Variants in INMT observed in about 807,000 individuals in gnomAD.
INMT encodes the protein indolethylamine N-methyltransferase.
INMT carries 11 observed loss-of-function variants against 11.5 expected under a neutral mutation model. The observed-to-expected ratio is 0.95, with a 90% CI of 0.60 to 1.58. INMT has a LOEUF of 1.58. INMT is among the 40% of genes most tolerant of loss of function. The pLI, the probability that INMT is intolerant of heterozygous loss-of-function variation, is 0.00. For synonymous variants in INMT, 155 were observed against 142.9 expected (o/e 1.08, Z -0.60); for missense variants, 316 against 336.1 (o/e 0.94, Z 0.47).
rs960345213 is a variant in INMT at position 30,754,767 on chromosome 7, T to C, written c.363-655T>C. Among the ~76,000 whole-genome samples, 19 of 152,328 alleles carry C rather than the reference T, an allele frequency of 1.2e-4. No homozygotes were observed. Among genetic ancestry groups the C allele is most frequent in the South Asian group, 1.0e-3 (5 of 4,824 alleles). ...TGTACCTGTGTGACTGACTATATAA[T>C]GTATAATGACGTGAACTCACCACCC... On this transcript the variant is annotated intron_variant, in intron 2 of 2. Transcript: ENST00000013222. The surrounding 1 kb of genome is among the most constrained non-coding windows in gnomAD (Gnocchi z 4.9).
At chr7:30,753,585 GC>G in intron 1 of INMT, 145 bp from the exon 2 acceptor site, 2 of 720,692 alleles carry the variant, frequency 2.8e-6, no homozygotes, top group Non-Finnish European at 2.4e-6. Flanking sequence ...TTGGCATGAG[GC>G]TTGGCTTACA....
At position 30,752,319 on chromosome 7, in the gene INMT, G is replaced by C. The variant is rs761348019; in HGVS notation, c.154+15G>C. 34 of 1,606,628 alleles carry C rather than the reference G, an allele frequency of 2.1e-5. No homozygotes were observed. Among genetic ancestry groups the C allele is most frequent in the Non-Finnish European group, 2.7e-5 (32 of 1,173,860 alleles). On this transcript the variant is annotated intron_variant, in intron 1 of 2. Coordinates refer to ENST00000013222, the MANE Select transcript of INMT (RefSeq NM_006774.5). The stretch of plus-strand genomic sequence containing the variant: ...CTTCGGCCCTGGTGAGCAGAGGGTG[G>C]CCCTTCCCCTTGAGCCTCTCTCCAA...
Position 30,754,438 on chromosome 7 carries a change from T to C in INMT, c.362+500T>C, listed in dbSNP as rs1031215432. Among the ~76,000 whole-genome samples, 1 of 151,068 alleles carries C rather than the reference T, an allele frequency of 6.6e-6. No homozygotes were observed. The highest frequency in any genetic ancestry group is 2.4e-5 in the African/African-American group (1 of 41,028). On this transcript the variant is annotated intron_variant, in intron 2 of 2. Coordinates refer to ENST00000013222, the MANE Select transcript of INMT (RefSeq NM_006774.5). This position sits in a 1 kb window ranked among gnomAD's most constrained non-coding sequence, Gnocchi z 4.9. ...ATCTATCCATCCGTCCATTCATCCATCCATCAATATTCATCCATCCACCCA... is the reference window on the plus strand; with the variant it reads ...ATCTATCCATCCGTCCATTCATCCACCCATCAATATTCATCCATCCACCCA...
In INMT at chr7:30,755,715, A is replaced by G. The variant is rs2302340; in HGVS notation, c.656A>G (p.Glu219Gly). The G allele has an allele frequency of 0.41, 660,063 of 1,614,008 alleles. 141,817 individuals carry two copies. The highest frequency in any genetic ancestry group is 0.58 in the East Asian group (26,110 of 44,864). Residue 219 changes from glutamate (E) to glycine (G), a missense_variant, in exon 3 of 3, where the codon GAG becomes GGG. By Grantham distance (98) the Glu-to-Gly change is moderately conservative. Transcript: ENST00000013222. The stretch of plus-strand genomic sequence containing the variant: ...TTTTCCTGCGTGGCCCTGGAGAAAG[A>G]GGAGGTGGAGCAGGCTGTCCTGGAT... ...REFSCVALEK[E>G]EVEQAVLDAG...
In INMT at chr7:30,757,481, A is replaced by C. The variant is rs367651451; in HGVS notation, c.*1630A>C. 2.6e-4 allele frequency: 48 copies of C among 182,210 alleles called. No homozygotes were observed. In the East Asian group the frequency reaches 3.5e-3, roughly 13 times the overall value. 11.3% of individuals were successfully genotyped at this position (182,210 alleles called of 1,614,324 possible). ...GCTGACCCTGAAGGCAAGGGAGAGC[A>C]GGCTGCACAGCTGTGTGTGGAAGCC... is the stretch of plus-strand genomic sequence containing the variant. On this transcript the variant is annotated 3_prime_UTR_variant, in exon 3 of 3. Coordinates refer to ENST00000013222, the MANE Select transcript of INMT (RefSeq NM_006774.5).
rs757443443 is a variant in INMT at position 30,755,902 on chromosome 7, T to C, written c.*51T>C. ...GTCAGGCTGTGAGGCCTTGGCCATC[T>C]GTATGCTAGAGAGGGGTGAGGAATG... is the stretch of plus-strand genomic sequence containing the variant. On this transcript the variant is annotated 3_prime_UTR_variant, in exon 3 of 3. Coordinates refer to ENST00000013222, the MANE Select transcript of INMT (RefSeq NM_006774.5). The C allele has an allele frequency of 6.4e-7, 1 of 1,558,810 alleles. No homozygotes were observed. Among genetic ancestry groups the C allele is most frequent in the South Asian group, 1.2e-5 (1 of 84,258 alleles).
In INMT at chr7:30,756,020, C is replaced by T; in HGVS notation, c.*169C>T. ...TCCTTGTTTTAGAATTCTAAGTTTC[C>T]AACATTCCTCATTCTAGGATCCTAG... On this transcript the variant is annotated 3_prime_UTR_variant, in exon 3 of 3. Transcript: ENST00000013222. 2 of 1,417,798 alleles carry T rather than the reference C, an allele frequency of 1.4e-6. No individual in the cohort carries two copies. The highest frequency in any genetic ancestry group is 1.8e-6 in the Non-Finnish European group (2 of 1,090,438). 87.8% of individuals were successfully genotyped at this position (1,417,798 alleles called of 1,614,324 possible). A position where few individuals can be genotyped will look rare whatever the true frequency, so the allele number is the denominator to read the frequency against.
In INMT at chr7:30,755,429, T is replaced by C. The variant is rs776872677; in HGVS notation, c.370T>C (p.Trp124Arg). Reference protein sequence around the residue: ...ACELEGNSGRWEEKEEKLRAA... With the variant: ...ACELEGNSGRREEKEEKLRAA... ...CCCTCTCTCTCTCTGCAGCGGCCGA[T>C]GGGAGGAGAAGGAGGAGAAGCTGCG... The change falls in exon 3 of 3, where the codon TGG becomes CGG. Residue 124 changes from tryptophan to arginine, a missense_variant. By Grantham distance (101) the Trp-to-Arg change is moderately radical. Transcript: ENST00000013222. 24 of 1,594,020 alleles carry C rather than the reference T, an allele frequency of 1.5e-5. 1 individual carries two copies. Among genetic ancestry groups the C allele is most frequent in the East Asian group, 2.2e-5 (1 of 44,712 alleles).
At position 30,755,802 on chromosome 7, in the gene INMT, C is replaced by A. The variant is rs1038528116; in HGVS notation, c.743C>A (p.Ala248Asp). 27 of 1,613,896 alleles carry A rather than the reference C, an allele frequency of 1.7e-5. No individual in the cohort carries two copies. Among genetic ancestry groups the A allele is most frequent in the Non-Finnish European group, 2.1e-5 (25 of 1,179,938 alleles). The stretch of plus-strand genomic sequence containing the variant: ...CAGAGCTACTCTGTCACCAATGCTG[C>A]CAACAATGGGGTCTGCTTCATTGTG... ...SPQSYSVTNA[A>D]NNGVCFIVAR... Residue 248 changes from alanine to aspartate, a missense_variant, in exon 3 of 3, where the codon GCC (alanine) becomes GAC (aspartate). Physicochemically the swap from Ala to Asp is moderately radical, Grantham distance 126. Transcript: ENST00000013222.
In INMT at chr7:30,755,669, T is replaced by C; in HGVS notation, c.610T>C (p.Tyr204His). Residue 204 changes from tyrosine (Y) to histidine (H), a missense_variant, in exon 3 of 3, where the codon TAC becomes CAC. Transcript: ENST00000013222. ...CACTGTCACGCTTCGGCTCCCGTCC[T>C]ACATGGTGGGGAAGCGTGAATTTTC... ...VTTVTLRLPS[Y>H]MVGKREFSCV... 1 of 1,614,222 alleles carries C rather than the reference T, an allele frequency of 6.2e-7. No homozygotes were observed. Among genetic ancestry groups the C allele is most frequent in the Non-Finnish European group, 8.5e-7 (1 of 1,180,034 alleles).
chr7:30,753,668 C>T, intron 1 of INMT, 63 bp from the exon 2 acceptor site: 2 of 1,464,196 alleles, frequency 1.4e-6, no homozygotes, highest in African/African-American at 1.4e-5. Flanking sequence ...GTGTCCTCAT[C>T]CCTGTGTCTG....
In INMT at chr7:30,752,705, G is replaced by A. The variant is rs118078023; in HGVS notation, c.154+401G>A. ...TGGGACGGGATCGCCTGTGCCCGGA[G>A]TGTGCAGCCTAGATGTGTCTGTGAT... On this transcript the variant is annotated intron_variant, in intron 1 of 2. Coordinates refer to ENST00000013222, the MANE Select transcript of INMT (RefSeq NM_006774.5). Among the ~76,000 whole-genome samples the A allele has an allele frequency of 1.4e-3, 213 of 152,294 alleles. 1 individual carries two copies. Among genetic ancestry groups the A allele is most frequent in the Non-Finnish European group, 1.7e-3 (116 of 68,020 alleles).
Position 30,755,690 on chromosome 7 carries a change from T to C in INMT, c.631T>C (p.Phe211Leu). Residue 211 changes from phenylalanine to leucine, a missense_variant, in exon 3 of 3, where the codon TTT (phenylalanine) becomes CTT (leucine). Physicochemically the swap from Phe to Leu is conservative, Grantham distance 22. Transcript: ENST00000013222. The stretch of plus-strand genomic sequence containing the variant: ...GTCCTACATGGTGGGGAAGCGTGAA[T>C]TTTCCTGCGTGGCCCTGGAGAAAGA... Reference protein sequence around the residue: ...LPSYMVGKREFSCVALEKEEV... With the variant: ...LPSYMVGKRELSCVALEKEEV... The C allele has an allele frequency of 6.2e-7, 1 of 1,614,156 alleles. No individual in the cohort carries two copies. The highest frequency in any genetic ancestry group is 8.5e-7 in the Non-Finnish European group (1 of 1,179,994).
In INMT at chr7:30,754,418, T is replaced by A. The variant is rs560586412; in HGVS notation, c.362+480T>A. ...AGCCGTTCACCTATCCATCCATCTA[T>A]CCATCCGTCCATTCATCCATCCATC... is the stretch of plus-strand genomic sequence containing the variant. On this transcript the variant is annotated intron_variant, in intron 2 of 2. Transcript: ENST00000013222. This position sits in a 1 kb window ranked among gnomAD's most constrained non-coding sequence, Gnocchi z 4.9. Among the ~76,000 whole-genome samples, 13 of 150,536 alleles carry A rather than the reference T, an allele frequency of 8.6e-5. No homozygotes were observed. In the East Asian group the frequency reaches 2.0e-3, roughly 23 times the overall value.
In INMT at chr7:30,752,229, T is replaced by C; in HGVS notation, c.79T>C (p.Phe27Leu). The C allele has an allele frequency of 6.2e-7, 1 of 1,614,062 alleles. No individual in the cohort carries two copies. Among genetic ancestry groups the C allele is most frequent in the Non-Finnish European group, 8.5e-7 (1 of 1,179,974 alleles). Reference protein sequence around the residue: ...PRDYLATYYSFDGSPSPEAEM... With the variant: ...PRDYLATYYSLDGSPSPEAEM... ...GGACTACTTGGCTACTTACTACAGC[T>C]TCGATGGCAGCCCCTCACCCGAGGC... The change falls in exon 1 of 3, where the codon TTC becomes CTC. Residue 27 changes from phenylalanine to leucine, a missense_variant. By Grantham distance (22) the Phe-to-Leu change is conservative. Coordinates refer to ENST00000013222, the MANE Select transcript of INMT (RefSeq NM_006774.5).
rs1786234272 is a variant in INMT at position 30,756,033 on chromosome 7, TCTAGGATC to T, written c.*189_*196del. On this transcript the variant is annotated 3_prime_UTR_variant, in exon 3 of 3. Coordinates refer to ENST00000013222, the MANE Select transcript of INMT (RefSeq NM_006774.5). ...ATTCTAAGTTTCCAACATTCCTCAT[TCTAGGATC>T]CTAGGAGTGGAATTTTCCATTTTCT... 6 of 1,413,844 alleles carry T rather than the reference TCTAGGATC, an allele frequency of 4.2e-6. No individual in the cohort carries two copies. Among genetic ancestry groups the T allele is most frequent in the Non-Finnish European group, 5.5e-6 (6 of 1,088,324 alleles). 87.6% of individuals were successfully genotyped at this position (1,413,844 alleles called of 1,614,324 possible). A position where few individuals can be genotyped will look rare whatever the true frequency, so the allele number is the denominator to read the frequency against.
Position 30,755,985 on chromosome 7 carries a change from G to T in INMT, c.*134G>T. ...AACATTCCATCTTCTGAAATTCTGAGATTCTAACATCCTTGTTTTAGAATT... is the reference window on the plus strand; with the variant it reads ...AACATTCCATCTTCTGAAATTCTGATATTCTAACATCCTTGTTTTAGAATT... On this transcript the variant is annotated 3_prime_UTR_variant, in exon 3 of 3. Transcript: ENST00000013222. The T allele has an allele frequency of 7.0e-7, 1 of 1,431,620 alleles. No individual in the cohort carries two copies. Among genetic ancestry groups the T allele is most frequent in the Non-Finnish European group, 9.1e-7 (1 of 1,097,456 alleles). 88.7% of individuals were successfully genotyped at this position (1,431,620 alleles called of 1,614,324 possible).
chr7:30,757,357 G>T lies in INMT; in HGVS notation c.*1506G>T. On this transcript the variant is annotated 3_prime_UTR_variant, in exon 3 of 3. Transcript: ENST00000013222. ...TGGTGGGCACACTGGCGCCCAGTAA[G>T]AGAGAGAGAGAGCCAAAGCTGTCCG... 4.9e-6 allele frequency: 1 copy of T among 205,324 alleles called. No individual in the cohort carries two copies. The highest frequency in any genetic ancestry group is 7.1e-5 in the South Asian group (1 of 14,010). 12.7% of individuals were successfully genotyped at this position (205,324 alleles called of 1,614,324 possible).
rs974291525 is a variant in INMT at position 30,755,970 on chromosome 7, C to T, written c.*119C>T. On this transcript the variant is annotated 3_prime_UTR_variant, in exon 3 of 3. Transcript: ENST00000013222. Reference sequence around the variant, plus strand: ...TCTGATTTCAACACTAACATTCCATCTTCTGAAATTCTGAGATTCTAACAT... The same window carrying T: ...TCTGATTTCAACACTAACATTCCATTTTCTGAAATTCTGAGATTCTAACAT... 2 of 1,447,114 alleles carry T rather than the reference C, an allele frequency of 1.4e-6. No homozygotes were observed. Among genetic ancestry groups the T allele is most frequent in the South Asian group, 1.5e-5 (1 of 65,430 alleles). The allele number at this position is 1,447,114 out of a possible 1,614,324, so 89.6% of individuals were successfully genotyped here. A position where few individuals can be genotyped will look rare whatever the true frequency, so the allele number is the denominator to read the frequency against.
Sources: allele counts gnomAD v4.1 joint callset (sites outside exome capture counted in the v4.1 genomes callset), GRCh38; gene constraint gnomAD v4.1.1; non-coding constraint Gnocchi (gnomAD v3.1); transcripts MANE v1.5; gene names NCBI Gene and HGNC (gene_info 2026-07-23, HGNC 2026-07-21).